Variants in MAPK8 observed in about 807,000 individuals in gnomAD.
The protein encoded by MAPK8 is JUN N-terminal kinase.
A neutral mutation model predicts 52.9 loss-of-function variants in MAPK8; 13 were observed. That is an observed-to-expected ratio of 0.25 (90% CI 0.16 to 0.39). The LOEUF is 0.39. Among genes scored for constraint, MAPK8 ranks in the 10% least tolerant of loss-of-function variants. The pLI is 1.00. For missense variants in MAPK8, 300 were observed against 519.2 expected, an observed-to-expected ratio of 0.58 and a Z score of 4.10; for synonymous variants, 191 against 169.8, an observed-to-expected ratio of 1.12 and a Z score of -0.97.
intron 1 of MAPK8, among the ~76,000 whole-genome samples, chr10:48,333,056 A>C (rs1844306621): frequency 1.3e-5 from 2 of 152,116 alleles, no homozygotes; most frequent in Admixed American, 6.5e-5. Flanking sequence ...GCCCATCCAC[A>C]AACAGCCTTA....
At chr10:48,354,986 C>T (rs928464851) in intron 1 of MAPK8, among the ~76,000 whole-genome samples, 1 of 151,932 alleles carries the variant, frequency 6.6e-6, no homozygotes, top group Non-Finnish European at 1.5e-5. Context: ...CTGTGATAGT[C>T]AAAAAGAAAA....
chr10:48,401,340 C>T (rs974126735), intron 1 of MAPK8, among the ~76,000 whole-genome samples: 1 of 152,030 alleles, frequency 6.6e-6, no homozygotes, highest in Non-Finnish European at 1.5e-5. Flanking sequence ...TTTTGTTCGT[C>T]TTGTAAGTTA....
At chr10:48,402,974 A>AAT (rs966836238) in intron 2 of MAPK8, among the ~76,000 whole-genome samples, 13 of 152,252 alleles carry the variant, frequency 8.5e-5, no homozygotes, top group Middle Eastern at 3.4e-3. Flanking sequence ...CAAGATGTAG[A>AAT]ATATATATAT....
At chr10:48,373,600 C>CAAAAAAAAAAA (rs2040464847) in intron 1 of MAPK8, among the ~76,000 whole-genome samples, 1 of 53,114 alleles carries the variant, frequency 1.9e-5, no homozygotes, top group Non-Finnish European at 3.4e-5. Flanking sequence ...AAAAAAAAAG[C>CAAAAAAAAAAA]CAGGGTTGCA....
chr10:48,395,561 A>G (rs2132899142), intron 1 of MAPK8, among the ~76,000 whole-genome samples: 1 of 152,210 alleles, frequency 6.6e-6, no homozygotes, highest in South Asian at 2.1e-4. Flanking sequence ...CAAATTAAAA[A>G]CTTTTGATCT....
At chr10:48,331,338 C>T (rs1189780685) in intron 1 of MAPK8, among the ~76,000 whole-genome samples, 1 of 152,202 alleles carries the variant, frequency 6.6e-6, no homozygotes, top group Non-Finnish European at 1.5e-5. Flanking sequence ...GAGGAGTCCC[C>T]TGCCAGTTTC....
chr10:48,404,662 T>G (rs547042059), intron 2 of MAPK8, among the ~76,000 whole-genome samples, 190 bp from the exon 3 acceptor site: 1 of 152,274 alleles, frequency 6.6e-6, no homozygotes, highest in African/African-American at 2.4e-5. Context: ...CATTAGCATT[T>G]TAGGAAATAG....
chr10:48,357,877 C>T (rs1215208705), intron 1 of MAPK8, among the ~76,000 whole-genome samples: 1 of 152,162 alleles, frequency 6.6e-6, no homozygotes, highest in Non-Finnish European at 1.5e-5. Context: ...GTCCCATTTC[C>T]TTCCTGGTAA....
intron 1 of MAPK8, among the ~76,000 whole-genome samples, chr10:48,397,646 A>G (rs2041955614): frequency 6.6e-6 from 1 of 152,086 alleles, no homozygotes; most frequent in South Asian, 2.1e-4. Flanking sequence ...GCTGGAGTGC[A>G]GTGGTACGAT....
intron 1 of MAPK8, among the ~76,000 whole-genome samples, chr10:48,345,404 G>A (rs1026314532): frequency 5.9e-5 from 9 of 152,142 alleles, no homozygotes; most frequent in South Asian, 2.1e-4. Context: ...AGTATTTTGC[G>A]AAATAAATTT....
intron 1 of MAPK8, among the ~76,000 whole-genome samples, chr10:48,386,506 A>G (rs1035848088): frequency 6.6e-6 from 1 of 152,214 alleles, no homozygotes; most frequent in Non-Finnish European, 1.5e-5. Context: ...CTAATAATCT[A>G]CATGCAGTTG....
At position 48,409,902 on chromosome 10, in the gene MAPK8, C is replaced by T. The variant is rs370630557; in HGVS notation, c.276C>T (p.Phe92=). 36 of 1,610,636 alleles carry T rather than the reference C, an allele frequency of 2.2e-5. No individual in the cohort carries two copies. The East Asian group carries it at 5.8e-4, about 26-fold the overall frequency. Residue 92 remains phenylalanine, a synonymous_variant, in exon 4 of 12, where the codon TTC becomes TTT. Transcript: ENST00000374189. ...HKNIIGLLNV[F]TPQKSLEEFQ... ...AGATAATTGGCCTTTTGAATGTTTT[C>T]ACACCACAGAAATCCCTAGAAGAAT...
intron 1 of MAPK8, among the ~76,000 whole-genome samples, chr10:48,336,300 ACT>A (rs1257095338): frequency 3.3e-5 from 5 of 152,250 alleles, no homozygotes; most frequent in African/African-American, 9.6e-5. Flanking sequence ...GAAATGGAAC[ACT>A]CTTTTAAAAA....
chr10:48,369,587 T>C (rs1399083477), intron 1 of MAPK8, among the ~76,000 whole-genome samples: 2 of 151,974 alleles, frequency 1.3e-5, no homozygotes, highest in African/African-American at 4.8e-5. Context: ...TAGTGTTAAG[T>C]GATAACTAGA....
chr10:48,405,106 G>GATATATATATATAT (rs10657070), intron 3 of MAPK8, 125 bp downstream of exon 3: 6 of 235,296 alleles, frequency 2.5e-5, no homozygotes, highest in African/African-American at 1.2e-4. Flanking sequence ...GTTTAAAAGG[G>GATATATATATATAT]ATATATATAT....
At chr10:48,337,493 A>C (rs537179481) in intron 1 of MAPK8, among the ~76,000 whole-genome samples, 157 of 152,288 alleles carry the variant, frequency 1.0e-3, no homozygotes, top group Non-Finnish European at 1.9e-3. Flanking sequence ...AAATTCCTAC[A>C]TCAAAAGAAA....
chr10:48,389,021 A>G (rs1323830573), intron 1 of MAPK8, among the ~76,000 whole-genome samples: 1 of 152,144 alleles, frequency 6.6e-6, no homozygotes, highest in Non-Finnish European at 1.5e-5. Flanking sequence ...TGCACCCTAT[A>G]TTTCACATAT....
intron 1 of MAPK8, among the ~76,000 whole-genome samples, chr10:48,333,503 G>A (rs1302224336): frequency 6.6e-6 from 1 of 152,220 alleles, no homozygotes; most frequent in African/African-American, 2.4e-5. Flanking sequence ...CAAGGGCCAT[G>A]CCCTAGTCTA....
intron 1 of MAPK8, among the ~76,000 whole-genome samples, chr10:48,382,118 A>C (rs758705069): frequency 6.6e-6 from 1 of 152,182 alleles, no homozygotes; most frequent in African/African-American, 2.4e-5. Flanking sequence ...TAATGAGTCT[A>C]ATACATAAGC....
Sources: allele counts gnomAD v4.1 joint callset (sites outside exome capture counted in the v4.1 genomes callset), GRCh38; gene constraint gnomAD v4.1.1; transcripts MANE v1.5; gene names NCBI Gene and HGNC (gene_info 2026-07-23, HGNC 2026-07-21).